DMD: variants seen among roughly 807,000 people sequenced by gnomAD.
DMD encodes dystrophin, also known as mutant dystrophin.
Under a neutral mutation model 330.1 loss-of-function variants are expected in DMD, and 63 were observed. The ratio of observed to expected loss-of-function variants is 0.19; its 90% confidence interval spans 0.16 to 0.24. The LOEUF is 0.24. Ranked by LOEUF, DMD falls within the 10% of genes least tolerant of loss-of-function variation. The pLI is 1.00. For missense variants in DMD, 3,344 were observed against 2,684.1 expected (o/e 1.25, Z -5.43); for synonymous variants, 1,223 against 959.8 (o/e 1.27, Z -5.07).
At chrX:33,011,125 C>T (rs909613893) in intron 2 of DMD, among the ~76,000 whole-genome samples, 40 of 111,458 alleles carry the variant, frequency 3.6e-4, no homozygotes, top group African/African-American at 1.3e-3. Flanking sequence ...AGACTTCAGA[C>T]CAAATTTTGC....
intron 2 of DMD, among the ~76,000 whole-genome samples, chrX:32,883,606 C>T (rs181321997): frequency 0.011 from 1,202 of 109,487 alleles, 23 homozygotes; most frequent in African/African-American, 0.037. Flanking sequence ...AGGTGGATCA[C>T]GAGGTCAGGA....
intron 55 of DMD, among the ~76,000 whole-genome samples, chrX:31,584,899 G>A (rs2076514567): frequency 9.0e-6 from 1 of 111,314 alleles, no homozygotes; most frequent in African/African-American, 3.3e-5. Flanking sequence ...CAGAGGAGAC[G>A]GAATTTAGAA....
intron 7 of DMD, among the ~76,000 whole-genome samples, chrX:32,725,521 A>G (rs1433228297): frequency 2.7e-5 from 3 of 111,147 alleles, no homozygotes; most frequent in Non-Finnish European, 5.7e-5. Context: ...AGATTTCAAG[A>G]CAAAAACAAA....
At chrX:31,688,699 A>T (rs2082878165) in intron 52 of DMD, among the ~76,000 whole-genome samples, 5 of 111,573 alleles carry the variant, frequency 4.5e-5, no homozygotes, top group Admixed American at 2.9e-4. Context: ...TCCCTGATGA[A>T]CATCGATGCA....
chrX:31,352,022 C>T (rs1441808052), intron 60 of DMD, among the ~76,000 whole-genome samples: 3 of 110,126 alleles, frequency 2.7e-5, no homozygotes, highest in Admixed American at 2.0e-4. Context: ...TTGCTCTTAA[C>T]TGCTATCCTG....
intron 42 of DMD, among the ~76,000 whole-genome samples, chrX:32,305,690 T>C (rs1317942363): frequency 9.0e-6 from 1 of 111,250 alleles, no homozygotes; most frequent in African/African-American, 3.3e-5. Context: ...ACTCAACTGC[T>C]CAGAAACTTA....
chrX:32,543,598 T>G (rs1260549663), intron 17 of DMD, among the ~76,000 whole-genome samples: 2 of 112,116 alleles, frequency 1.8e-5, no homozygotes, highest in Non-Finnish European at 3.8e-5. Flanking sequence ...AACAAACAAG[T>G]TAATGTACAT....
At chrX:32,514,911 T>C (rs753523937) in intron 18 of DMD, among the ~76,000 whole-genome samples, 1 of 111,307 alleles carries the variant, frequency 9.0e-6, no homozygotes, top group African/African-American at 3.3e-5. Context: ...AAGAACAAAT[T>C]GGTTGAAAAA....
At chrX:32,022,702 A>G (rs2095814884) in intron 44 of DMD, among the ~76,000 whole-genome samples, 1 of 112,472 alleles carries the variant, frequency 8.9e-6, no homozygotes, top group Admixed American at 9.4e-5. Flanking sequence ...CTGAAAATGA[A>G]TTTTGATCAG....
chrX:32,176,137 T>C (rs2096905714), intron 44 of DMD, among the ~76,000 whole-genome samples: 1 of 112,189 alleles, frequency 8.9e-6, no homozygotes, highest in Admixed American at 9.4e-5. Context: ...AGTTTGTCCA[T>C]CAGTTCTTCT....
intron 59 of DMD, among the ~76,000 whole-genome samples, chrX:31,471,335 T>C (rs1338453094): frequency 8.9e-6 from 1 of 111,906 alleles, no homozygotes; most frequent in East Asian, 2.8e-4. Context: ...GGGAAAAGCA[T>C]AGTGTCTGGG....
At chrX:33,014,757 A>G (rs2093767207) in intron 2 of DMD, among the ~76,000 whole-genome samples, 1 of 107,240 alleles carries the variant, frequency 9.3e-6, no homozygotes, top group Non-Finnish European at 1.9e-5. Context: ...ATTCATAAAT[A>G]TATGCATTTT....
chrX:32,279,721 G>A (rs2097406142), intron 43 of DMD, among the ~76,000 whole-genome samples: 1 of 109,584 alleles, frequency 9.1e-6, no homozygotes, highest in Admixed American at 9.8e-5. Flanking sequence ...ACAAAAAATA[G>A]TTAGAAAGAA....
At position 33,258,508 on chromosome X, in the gene DMD, T is replaced by C. The variant is rs148792308; in HGVS notation, c.7+80751A>G. Reference sequence around the variant, plus strand: ...ATTTTGGAATAATTTTTCAATATTATTATTACCTTCTGATTTGTTCTTAGA... The same window carrying C: ...ATTTTGGAATAATTTTTCAATATTACTATTACCTTCTGATTTGTTCTTAGA... On this transcript the variant is annotated intron_variant, in intron 1 of 17. Transcript: ENST00000288447. Among the ~76,000 whole-genome samples, 446 of 111,478 alleles carry C rather than the reference T, an allele frequency of 4.0e-3. 2 individuals carry two copies. The highest frequency in any genetic ancestry group is 0.014 in the African/African-American group (436 of 30,901).
At chrX:31,153,063 T>C (rs1330882099) in intron 74 of DMD, among the ~76,000 whole-genome samples, 1 of 111,974 alleles carries the variant, frequency 8.9e-6, no homozygotes, top group Non-Finnish European at 1.9e-5. Flanking sequence ...CTCCCAGCCA[T>C]ACCCAGGGGC....
chrX:32,006,672 A>G (rs888186424), intron 44 of DMD, among the ~76,000 whole-genome samples: 2 of 111,064 alleles, frequency 1.8e-5, no homozygotes, highest in African/African-American at 6.6e-5. Flanking sequence ...CTTGAATGTC[A>G]CCAGATTTGG....
At chrX:31,178,248 CTA>C (rs1373564282) in intron 70 of DMD, 1 of 750,620 alleles carries the variant, frequency 1.3e-6, no homozygotes, top group Non-Finnish European at 1.6e-6. Flanking sequence ...TTTCCTGTGA[CTA>C]TATTTTCTTT....
intron 44 of DMD, among the ~76,000 whole-genome samples, chrX:32,123,526 T>C (rs1196271742): frequency 7.3e-5 from 8 of 109,937 alleles, no homozygotes; most frequent in Non-Finnish European, 1.5e-4. Context: ...AGGTGCTCTG[T>C]TTCTGAAGAA....
chrX:33,238,859 T>A (rs1038468078), intron 1 of DMD, among the ~76,000 whole-genome samples: 4 of 110,840 alleles, frequency 3.6e-5, no homozygotes, highest in Non-Finnish European at 3.8e-5. Context: ...GCTATCTAGG[T>A]TTAAGTGAGG....
Sources: allele counts gnomAD v4.1 joint callset (sites outside exome capture counted in the v4.1 genomes callset), GRCh38; gene constraint gnomAD v4.1.1; transcripts MANE v1.5; gene names NCBI Gene and HGNC (gene_info 2026-07-23, HGNC 2026-07-21).